The following CEP63 variants were observed in gnomAD, a reference collection of about 807,000 sequenced individuals.
CEP63 encodes the protein centrosomal protein of 63 kDa.
A neutral mutation model predicts 89.1 loss-of-function variants in CEP63; 84 were observed. The ratio of observed to expected loss-of-function variants is 0.94; its 90% CI spans 0.79 to 1.13. CEP63 has a LOEUF of 1.13. Ranked by LOEUF, CEP63 falls within the 50% of genes most tolerant of loss-of-function variation. CEP63 has a pLI of 0.00. For missense variants in CEP63, 838 were observed against 813.3 expected, an observed-to-expected ratio of 1.03 and a Z score of -0.37; for synonymous variants, 267 against 272.5, an observed-to-expected ratio of 0.98 and a Z score of 0.20.
At chr3:134,524,266 C>A (rs1559937808) in intron 3 of CEP63, among the ~76,000 whole-genome samples, 1 of 152,150 alleles carries the variant, frequency 6.6e-6, no homozygotes, top group Non-Finnish European at 1.5e-5. Flanking sequence ...AGTTGTTTAT[C>A]AGCTTAAGGA....
chr3:134,557,638 A>G lies in CEP63; in HGVS notation c.1468-504A>G, dbSNP rs111444490. ...CCTGCTTTATCATGTCCAAATTTAT[A>G]TATGAGTAGATACCAAAGTTGTAGA... On this transcript the variant is annotated intron_variant, in intron 12 of 14. Transcript: ENST00000675561. Among the ~76,000 whole-genome samples the G allele has an allele frequency of 8.7e-3, 1,318 of 151,220 alleles. 18 individuals are homozygous for G. The highest frequency in any genetic ancestry group is 0.031 in the African/African-American group (1,267 of 40,548).
chr3:134,503,281 A>T (rs535827030), intron 2 of CEP63, among the ~76,000 whole-genome samples: 6 of 152,052 alleles, frequency 3.9e-5, no homozygotes, highest in Admixed American at 1.3e-4. Flanking sequence ...CCCAGTGGTC[A>T]TTCAGGAGCA....
chr3:134,512,584 C>G (rs1159742165), intron 3 of CEP63, among the ~76,000 whole-genome samples: 6 of 152,148 alleles, frequency 3.9e-5, no homozygotes. Context: ...TCTTCCCCAC[C>G]CCTCTGAACC....
intron 3 of CEP63, among the ~76,000 whole-genome samples, chr3:134,531,036 G>A (rs1949755820): frequency 6.6e-6 from 1 of 152,148 alleles, no homozygotes; most frequent in African/African-American, 2.4e-5. Context: ...TTGAAAAGTG[G>A]GTTAGGATAA....
intron 3 of CEP63, among the ~76,000 whole-genome samples, chr3:134,515,410 A>G (rs2108624252): frequency 6.6e-6 from 1 of 152,320 alleles, no homozygotes; most frequent in African/African-American, 2.4e-5. Context: ...AACAAATGCA[A>G]TTATTATTTA....
At chr3:134,491,505 G>A (rs551549493) in intron 1 of CEP63, among the ~76,000 whole-genome samples, 71 of 152,198 alleles carry the variant, frequency 4.7e-4, no homozygotes, top group African/African-American at 1.6e-3. Context: ...AGTTAACTTT[G>A]CTTATGGCAC....
chr3:134,502,502 G>A (rs930931949), intron 2 of CEP63, among the ~76,000 whole-genome samples: 5 of 152,006 alleles, frequency 3.3e-5, no homozygotes, highest in Non-Finnish European at 5.9e-5. Context: ...TTTATAACTC[G>A]TTATTAATCT....
At chr3:134,603,476 C>T in the CEP63 span, 2 of 1,031,776 alleles carry the variant, frequency 1.9e-6, no homozygotes, top group Non-Finnish European at 2.8e-6. Flanking sequence ...GAAGGGATTT[C>T]ATGCAGACTC....
the CEP63 span, among the ~76,000 whole-genome samples, chr3:134,641,996 C>A: frequency 1.1e-4 from 16 of 152,204 alleles, no homozygotes; most frequent in Non-Finnish European, 2.1e-4. Flanking sequence ...CAGGACAGAG[C>A]ATGGGCTTGT....
the CEP63 span, among the ~76,000 whole-genome samples, chr3:134,631,312 G>A: frequency 6.6e-6 from 1 of 152,124 alleles, no homozygotes; most frequent in Non-Finnish European, 1.5e-5. Context: ...AAAAAATATG[G>A]AAAGTAGCCA....
chr3:134,741,738 C>T, the CEP63 span, among the ~76,000 whole-genome samples: 3 of 152,168 alleles, frequency 2.0e-5, no homozygotes, highest in Non-Finnish European at 4.4e-5. Flanking sequence ...TTTTTCCAGT[C>T]ATGGTTTTGC....
chr3:134,558,476 A>G, intron 13 of CEP63, 129 bp downstream of exon 13: 2 of 708,812 alleles, frequency 2.8e-6, no homozygotes, highest in South Asian at 1.8e-5. Context: ...TCTGAAGTAT[A>G]GTGTGCACAA....
the CEP63 span, among the ~76,000 whole-genome samples, chr3:134,728,145 T>A: frequency 6.6e-6 from 1 of 152,188 alleles, no homozygotes; most frequent in African/African-American, 2.4e-5. Context: ...ATTTAAATGA[T>A]GGCAGTTGGA....
At position 134,545,118 on chromosome 3, in the gene CEP63, C is replaced by T. The variant is rs541821330; in HGVS notation, c.556-468C>T. ...AAGTGATTCTCCTGCCTCAGCCTCC[C>T]GATCCCGAGTAGCTGGGATTACAGG... On this transcript the variant is annotated intron_variant, in intron 6 of 14. Transcript: ENST00000675561. 1.6e-3 allele frequency among the ~76,000 whole-genome samples: 245 copies of T among 152,136 alleles called. 1 individual carries two copies. Among genetic ancestry groups the T allele is most frequent in the African/African-American group, 5.5e-3 (227 of 41,518 alleles).
At chr3:134,592,469 G>GGTGTGTGT (rs34973626), downstream of CEP63, among the ~76,000 whole-genome samples, 13,956 of 125,040 alleles carry the variant, frequency 0.11, 1,183 homozygotes, top group East Asian at 0.16. Context: ...TCTGCAAACT[G>GGTGTGTGT]GTGTGTGTGT....
chr3:134,524,816 C>T (rs1487247489), intron 3 of CEP63, among the ~76,000 whole-genome samples: 1 of 152,168 alleles, frequency 6.6e-6, no homozygotes, highest in East Asian at 1.9e-4. Context: ...CATCAATGTT[C>T]ATCAATGATA....
At chr3:134,647,300 G>A in the CEP63 span, 6 of 692,080 alleles carry the variant, frequency 8.7e-6, no homozygotes, top group Non-Finnish European at 1.5e-5. Context: ...TAGAGGCCTG[G>A]CTGGGTCAGG....
chr3:134,492,480 C>CTACT (rs10682759), intron 1 of CEP63, among the ~76,000 whole-genome samples: 102,880 of 151,202 alleles, frequency 0.68, 35,242 homozygotes, highest in East Asian at 0.82. Context: ...GTGTTTGGCA[C>CTACT]CAGGCAGATG....
the CEP63 span, chr3:134,628,183 C>A: frequency 3.8e-6 from 1 of 264,954 alleles, no homozygotes; most frequent in Non-Finnish European, 7.3e-6. Context: ...CCAGATAATG[C>A]CGGGATAAGA....
Sources: gnomAD v4.1 joint callset for allele counts (sites outside exome capture counted in the v4.1 genomes callset) on GRCh38, gnomAD v4.1.1 for gene constraint, MANE v1.5 for transcripts, NCBI Gene and HGNC (gene_info 2026-07-23, HGNC 2026-07-21) for gene names.